Variants in RBFOX1 observed in about 807,000 individuals in gnomAD.
The protein encoded by RBFOX1 is RNA binding fox-1 homolog 1.
A neutral mutation model predicts 57.7 loss-of-function variants in RBFOX1; 8 were observed. That is an observed-to-expected ratio of 0.14 (90% confidence interval 0.08 to 0.25). The LOEUF is 0.25. Ranked by LOEUF, RBFOX1 falls within the 10% of genes least tolerant of loss-of-function variation. RBFOX1 has a pLI of 1.00. For synonymous variants in RBFOX1, 326 were observed against 222.4 expected, an observed-to-expected ratio of 1.47 and a Z score of -4.15; for missense variants, 611 against 548.5, an observed-to-expected ratio of 1.11 and a Z score of -1.14.
At chr16:7,285,074 A>AGT in intron 4 of RBFOX1, among the ~76,000 whole-genome samples, 1 of 43,324 alleles carries the variant, frequency 2.3e-5, no homozygotes, top group Admixed American at 2.7e-4. Flanking sequence ...TAGATTCCTT[A>AGT]CTTTTTTTTT....
chr16:7,123,155 C>G (rs532304440), intron 4 of RBFOX1, among the ~76,000 whole-genome samples: 3 of 152,166 alleles, frequency 2.0e-5, no homozygotes, highest in East Asian at 1.9e-4. Context: ...ATTATGTTAA[C>G]ATTTATGAAA....
chr16:7,567,895 GTA>G (rs71150316), intron 5 of RBFOX1, among the ~76,000 whole-genome samples: 143,842 of 149,176 alleles, frequency 0.96, 69,604 homozygotes, highest in Middle Eastern at 0.99. Context: ...GTATACCTAT[GTA>G]TATATATATA....
intron 3 of RBFOX1, among the ~76,000 whole-genome samples, chr16:7,051,742 G>A (rs1288654764): frequency 1.3e-5 from 2 of 152,122 alleles, no homozygotes; most frequent in African/African-American, 4.8e-5. Flanking sequence ...GGTTTTCAGG[G>A]AAAAGGGTGG....
At chr16:6,203,761 A>G (rs1040561698) in intron 1 of RBFOX1, among the ~76,000 whole-genome samples, 12 of 152,194 alleles carry the variant, frequency 7.9e-5, no homozygotes, top group Non-Finnish European at 1.3e-4. Flanking sequence ...AGAAACATAA[A>G]TTGGTGCAGC....
chr16:6,173,604 C>CTTTTTTTTT lies in RBFOX1; in HGVS notation c.-126-143376_-126-143368dup, dbSNP rs35528338. On this transcript the variant is annotated intron_variant, in intron 1 of 15. Transcript: ENST00000550418. ...GTATGGAGTGGACACTGACCACTCC[C>CTTTTTTTTT]TTTTTTTTTTTTTTTTTTTTTTTGA... Among the ~76,000 whole-genome samples, 209 of 70,946 alleles carry CTTTTTTTTT rather than the reference C, an allele frequency of 2.9e-3. 28 individuals carry two copies. The highest frequency in any genetic ancestry group is 0.011 in the African/African-American group (194 of 17,052). 46.5% of individuals were successfully genotyped at this position (70,946 alleles called of 152,430 possible). A position where few individuals can be genotyped will look rare whatever the true frequency, so the allele number is the denominator to read the frequency against.
intron 1 of RBFOX1, among the ~76,000 whole-genome samples, chr16:5,319,527 A>G (rs1443991013): frequency 2.0e-5 from 3 of 152,122 alleles, no homozygotes; most frequent in Non-Finnish European, 4.4e-5. Flanking sequence ...AGAATCCTTT[A>G]CTGAGCGCCA....
In RBFOX1 at chr16:7,498,273, G is replaced by C. The variant is rs7202367; in HGVS notation, c.28-19874G>C. On this transcript the variant is annotated intron_variant, in intron 4 of 15. Coordinates refer to ENST00000550418, the MANE Select transcript of RBFOX1 (RefSeq NM_018723.4). ...AAGGTGGTCACTTGGTATTGTAAAG[G>C]AGTGGTGGCTTCAAATTTAAATAGT... 7.1e-3 allele frequency among the ~76,000 whole-genome samples: 1,086 copies of C among 152,254 alleles called. 14 individuals are homozygous for C. Among genetic ancestry groups the C allele is most frequent in the African/African-American group, 0.025 (1,027 of 41,554 alleles).
chr16:6,578,210 G>T (rs1357570516), intron 2 of RBFOX1, among the ~76,000 whole-genome samples: 1 of 152,188 alleles, frequency 6.6e-6, no homozygotes, highest in East Asian at 1.9e-4. Flanking sequence ...ATCTTACGTA[G>T]TGATAAGGGA....
At chr16:5,699,522 G>C (rs1460566340) in intron 3 of RBFOX1, among the ~76,000 whole-genome samples, 2 of 151,962 alleles carry the variant, frequency 1.3e-5, no homozygotes, top group African/African-American at 4.8e-5. Context: ...GTTTTAGATA[G>C]AGAGTTTTGT....
At chr16:7,348,813 G>T (rs111918451) in intron 4 of RBFOX1, among the ~76,000 whole-genome samples, 43 of 152,208 alleles carry the variant, frequency 2.8e-4, no homozygotes, top group African/African-American at 9.9e-4. Context: ...GTGGTGGCAC[G>T]TGCTTGTAAT....
intron 4 of RBFOX1, among the ~76,000 whole-genome samples, chr16:7,131,652 A>G (rs886453870): frequency 1.3e-5 from 2 of 151,824 alleles, no homozygotes; most frequent in Admixed American, 6.6e-5. Flanking sequence ...TGAGATAGGC[A>G]GAGCTTCCTT....
chr16:6,554,255 A>C (rs2097051848), intron 2 of RBFOX1, among the ~76,000 whole-genome samples: 1 of 152,152 alleles, frequency 6.6e-6, no homozygotes, highest in Non-Finnish European at 1.5e-5. Context: ...CTGGGCAGGA[A>C]GGCAAAAGGA....
At chr16:5,399,280 G>A (rs746225651) in intron 1 of RBFOX1, among the ~76,000 whole-genome samples, 8 of 152,200 alleles carry the variant, frequency 5.3e-5, no homozygotes, top group South Asian at 2.1e-4. Context: ...GACCTTAGCC[G>A]TGGATGAGGT....
chr16:6,912,479 G>T (rs1300721819), intron 3 of RBFOX1, among the ~76,000 whole-genome samples: 2 of 152,176 alleles, frequency 1.3e-5, no homozygotes, highest in African/African-American at 2.4e-5. Context: ...GGCTCAGATA[G>T]ATCAGATTGA....
At chr16:5,670,214 C>G (rs1238795150) in intron 3 of RBFOX1, among the ~76,000 whole-genome samples, 1 of 152,116 alleles carries the variant, frequency 6.6e-6, no homozygotes, top group African/African-American at 2.4e-5. Flanking sequence ...CTTAACGGGT[C>G]TGAGGTTTCC....
intron 1 of RBFOX1, among the ~76,000 whole-genome samples, chr16:6,114,361 G>A (rs2096477128): frequency 1.3e-5 from 2 of 152,260 alleles, no homozygotes; most frequent in South Asian, 2.1e-4. Flanking sequence ...ATCTCATGCG[G>A]CATTAAATTG....
At chr16:6,537,680 T>G (rs979178647) in intron 2 of RBFOX1, among the ~76,000 whole-genome samples, 1 of 152,184 alleles carries the variant, frequency 6.6e-6, no homozygotes, top group African/African-American at 2.4e-5. Flanking sequence ...TTCATCATTA[T>G]AAACCTCTTA....
chr16:7,017,180 G>A (rs950477966), intron 3 of RBFOX1, among the ~76,000 whole-genome samples: 2 of 152,146 alleles, frequency 1.3e-5, no homozygotes, highest in South Asian at 2.1e-4. Flanking sequence ...CCAGCAAATC[G>A]TATCTGCTTC....
chr16:6,662,758 C>A (rs944176368), intron 3 of RBFOX1, among the ~76,000 whole-genome samples: 1 of 152,216 alleles, frequency 6.6e-6, no homozygotes, highest in African/African-American at 2.4e-5. Flanking sequence ...CTGGCTATAA[C>A]CGAATGACAG....
Sources: allele counts gnomAD v4.1 joint callset (sites outside exome capture counted in the v4.1 genomes callset), GRCh38; gene constraint gnomAD v4.1.1; transcripts MANE v1.5; gene names NCBI Gene and HGNC (gene_info 2026-07-23, HGNC 2026-07-21).